Variants in SGMS1 observed in about 807,000 individuals in gnomAD.
The protein encoded by SGMS1 is phosphatidylcholine:ceramide cholinephosphotransferase 1.
In SGMS1, 13 loss-of-function variants were observed where a neutral mutation model predicts 46.2. The ratio of observed to expected loss-of-function variants is 0.28; its 90% CI spans 0.18 to 0.45. The LOEUF (loss-of-function observed/expected upper bound fraction) is 0.45, where lower values mean the gene tolerates loss of function less well. SGMS1 is among the 20% of genes least tolerant of loss of function. The pLI, the probability that SGMS1 is intolerant of heterozygous loss-of-function variation, is 1.00. For synonymous variants in SGMS1, 203 were observed against 187.8 expected (o/e 1.08, Z -0.66); for missense variants, 324 against 519.9 (o/e 0.62, Z 3.66).
intron 2 of SGMS1, among the ~76,000 whole-genome samples, chr10:50,540,357 G>A (rs1445093422): frequency 1.3e-5 from 2 of 152,084 alleles, no homozygotes; most frequent in African/African-American, 4.8e-5. Context: ...TGGCATCTGT[G>A]CCACACCTCA....
At chr10:50,406,438 G>A (rs1849016141) in intron 6 of SGMS1, among the ~76,000 whole-genome samples, 3 of 152,184 alleles carry the variant, frequency 2.0e-5, no homozygotes. Context: ...TTTTCAGCAA[G>A]TTCTGGAAGG....
intron 8 of SGMS1, among the ~76,000 whole-genome samples, chr10:50,323,190 C>A (rs1044361828): frequency 6.6e-6 from 1 of 152,156 alleles, no homozygotes; most frequent in Non-Finnish European, 1.5e-5. Flanking sequence ...AGTGAATGAA[C>A]AATAAGACCA....
chr10:50,586,506 C>T (rs1468154392), intron 2 of SGMS1, among the ~76,000 whole-genome samples: 1 of 152,242 alleles, frequency 6.6e-6, no homozygotes, highest in South Asian at 2.1e-4. Flanking sequence ...TCACCTAACA[C>T]TTAATATCAA....
chr10:50,485,628 G>A (rs1280264345), intron 3 of SGMS1, among the ~76,000 whole-genome samples: 7 of 152,100 alleles, frequency 4.6e-5, no homozygotes, highest in Non-Finnish European at 8.8e-5. Flanking sequence ...TTCCGGGTGC[G>A]GTGGCTCACA....
chr10:50,417,324 A>T (rs560744914), intron 6 of SGMS1, among the ~76,000 whole-genome samples: 1 of 152,278 alleles, frequency 6.6e-6, no homozygotes, highest in South Asian at 2.1e-4. Flanking sequence ...ATTGGATAAA[A>T]ATGTTATGAT....
At chr10:50,428,930 T>G (rs1849364735) in intron 6 of SGMS1, among the ~76,000 whole-genome samples, 1 of 152,228 alleles carries the variant, frequency 6.6e-6, no homozygotes, top group Non-Finnish European at 1.5e-5. Flanking sequence ...ACCTTAAACA[T>G]GCTCAGAACA....
At chr10:50,609,782 A>G (rs1726302724) in intron 1 of SGMS1, among the ~76,000 whole-genome samples, 1 of 152,118 alleles carries the variant, frequency 6.6e-6, no homozygotes, top group African/African-American at 2.4e-5. Flanking sequence ...TGGGTCAAAG[A>G]GTGTGTGAGC....
intron 6 of SGMS1, among the ~76,000 whole-genome samples, chr10:50,375,827 T>C (rs1848514859): frequency 6.6e-6 from 1 of 152,272 alleles, no homozygotes; most frequent in Non-Finnish European, 1.5e-5. Flanking sequence ...TAGAATGATA[T>C]GAAAATAAAA....
At chr10:50,547,316 T>C (rs1255438723) in intron 2 of SGMS1, among the ~76,000 whole-genome samples, 1 of 151,716 alleles carries the variant, frequency 6.6e-6, no homozygotes, top group Non-Finnish European at 1.5e-5. Context: ...AAAAAGAAGA[T>C]AAAAGAGAGT....
chr10:50,389,747 C>G (rs924707529), intron 6 of SGMS1, among the ~76,000 whole-genome samples: 1 of 152,162 alleles, frequency 6.6e-6, no homozygotes, highest in African/African-American at 2.4e-5. Flanking sequence ...GCTATGCCCA[C>G]AAAACATAAA....
intron 6 of SGMS1, among the ~76,000 whole-genome samples, chr10:50,425,063 C>T (rs572305558): frequency 6.6e-6 from 1 of 152,012 alleles, no homozygotes; most frequent in African/African-American, 2.4e-5. Flanking sequence ...AAAAGTCACA[C>T]CAGTTAGAAT....
chr10:50,441,173 C>G (rs1041979072), intron 5 of SGMS1, among the ~76,000 whole-genome samples: 1 of 152,184 alleles, frequency 6.6e-6, no homozygotes, highest in Non-Finnish European at 1.5e-5. Flanking sequence ...AATAGTTCAG[C>G]CTTCTCTCCC....
chr10:50,314,470 T>C (rs1847307591), intron 8 of SGMS1, among the ~76,000 whole-genome samples: 2 of 152,200 alleles, frequency 1.3e-5, no homozygotes, highest in Non-Finnish European at 2.9e-5. Context: ...AGAATATATT[T>C]ATTATCACTG....
At chr10:50,404,737 T>C (rs568071887) in intron 6 of SGMS1, among the ~76,000 whole-genome samples, 3 of 152,258 alleles carry the variant, frequency 2.0e-5, no homozygotes, top group Admixed American at 1.3e-4. Context: ...AAGATATTTA[T>C]ACGAAAATAT....
chr10:50,549,501 T>A (rs748350676), intron 2 of SGMS1, among the ~76,000 whole-genome samples: 1 of 151,952 alleles, frequency 6.6e-6, no homozygotes, highest in South Asian at 2.1e-4. Context: ...TGAGGACACA[T>A]GGACACAGGA....
At chr10:50,334,364 AAT>A (rs1438536490) in intron 7 of SGMS1, among the ~76,000 whole-genome samples, 1 of 152,244 alleles carries the variant, frequency 6.6e-6, no homozygotes, top group East Asian at 1.9e-4. Flanking sequence ...ACAGAATACG[AAT>A]GTGTATATGC....
intron 3 of SGMS1, among the ~76,000 whole-genome samples, chr10:50,488,811 G>C (rs1395791259): frequency 6.6e-6 from 1 of 152,078 alleles, no homozygotes; most frequent in East Asian, 1.9e-4. Context: ...TTTGTACCAG[G>C]ATAATTGAGG....
chr10:50,465,598 C>T (rs1245838678), intron 4 of SGMS1, among the ~76,000 whole-genome samples: 1 of 151,768 alleles, frequency 6.6e-6, no homozygotes, highest in Non-Finnish European at 1.5e-5. Flanking sequence ...AAGAAAAACA[C>T]AGAAAGATGG....
intron 2 of SGMS1, among the ~76,000 whole-genome samples, chr10:50,520,354 C>T (rs1347655300): frequency 2.0e-5 from 3 of 151,918 alleles, no homozygotes; most frequent in African/African-American, 7.3e-5. Context: ...TGCACTCTAG[C>T]CTGGGCAACA....
Sources: gnomAD v4.1 joint callset for allele counts (sites outside exome capture counted in the v4.1 genomes callset) on GRCh38, gnomAD v4.1.1 for gene constraint, MANE v1.5 for transcripts, NCBI Gene and HGNC (gene_info 2026-07-23, HGNC 2026-07-21) for gene names.